Variants in NXPH1 observed in about 807,000 individuals in gnomAD.
NXPH1 encodes neurexophilin-1.
A neutral mutation model predicts 23.7 loss-of-function variants in NXPH1; 5 were observed. The ratio of observed to expected loss-of-function variants is 0.21; its 90% confidence interval spans 0.11 to 0.44. NXPH1 has a LOEUF of 0.44. Among genes scored for constraint, NXPH1 ranks in the 20% least tolerant of loss-of-function variants. NXPH1 has a pLI of 0.99. For missense variants in NXPH1, 324 were observed against 321.6 expected (o/e 1.01, Z -0.06); for synonymous variants, 144 against 122.2 (o/e 1.18, Z -1.18).
chr7:8,461,986 T>A (rs1816704453), intron 2 of NXPH1, among the ~76,000 whole-genome samples: 1 of 152,164 alleles, frequency 6.6e-6, no homozygotes, highest in African/African-American at 2.4e-5. Context: ...GATGTTCTTT[T>A]CTTAAAAACA....
intron 2 of NXPH1, among the ~76,000 whole-genome samples, chr7:8,462,372 A>G (rs1323099633): frequency 6.6e-6 from 1 of 152,216 alleles, no homozygotes; most frequent in Non-Finnish European, 1.5e-5. Context: ...TAAATATTTT[A>G]TGTATTTAAA....
chr7:8,608,187 C>T (rs193106786), intron 2 of NXPH1, among the ~76,000 whole-genome samples: 9 of 152,274 alleles, frequency 5.9e-5, no homozygotes, highest in Non-Finnish European at 1.3e-4. Context: ...GAAACTAATA[C>T]AAATTTCTTA....
At chr7:8,478,899 T>G (rs546585966) in intron 2 of NXPH1, among the ~76,000 whole-genome samples, 6 of 152,202 alleles carry the variant, frequency 3.9e-5, no homozygotes, top group Admixed American at 1.3e-4. Context: ...CTAGAAAAAC[T>G]GACTTACAAG....
At chr7:8,475,717 A>G (rs1455951228) in intron 2 of NXPH1, among the ~76,000 whole-genome samples, 4 of 152,098 alleles carry the variant, frequency 2.6e-5, no homozygotes, top group Non-Finnish European at 5.9e-5. Context: ...AATTTTTAAA[A>G]TCCTTTTACC....
intron 2 of NXPH1, among the ~76,000 whole-genome samples, chr7:8,615,663 T>C (rs1819718349): frequency 6.6e-6 from 1 of 152,108 alleles, no homozygotes; most frequent in African/African-American, 2.4e-5. Flanking sequence ...TCTTTCCCTT[T>C]CCTTGCATTT....
At chr7:8,661,811 A>G (rs188786263) in intron 2 of NXPH1, among the ~76,000 whole-genome samples, 108 of 152,226 alleles carry the variant, frequency 7.1e-4, no homozygotes, top group African/African-American at 2.6e-3. Context: ...GTCTTCTGTT[A>G]TATAAAAATT....
At chr7:8,628,385 T>C (rs985208) in intron 2 of NXPH1, among the ~76,000 whole-genome samples, 40,941 of 147,842 alleles carry the variant, frequency 0.28, 6,161 homozygotes, top group African/African-American at 0.37. Flanking sequence ...TTTTTTTTTT[T>C]AGATAATGTA....
At chr7:8,733,213 C>CT (rs1298028395) in intron 2 of NXPH1, among the ~76,000 whole-genome samples, 1 of 152,102 alleles carries the variant, frequency 6.6e-6, no homozygotes, top group African/African-American at 2.4e-5. Context: ...TGAACTCATC[C>CT]TTTTTTATAG....
chr7:8,647,803 G>T (rs1159645814), intron 2 of NXPH1, among the ~76,000 whole-genome samples: 3 of 148,736 alleles, frequency 2.0e-5, no homozygotes, highest in Admixed American at 6.7e-5. Context: ...ACTAAGTTTG[G>T]TTAATTTTTT....
intron 2 of NXPH1, among the ~76,000 whole-genome samples, chr7:8,514,497 G>A (rs1318396917): frequency 6.6e-6 from 1 of 152,068 alleles, no homozygotes; most frequent in East Asian, 1.9e-4. Flanking sequence ...CAATGCATTG[G>A]AAAATGGTTA....
rs117027406 is a variant in NXPH1, at chr7:8,447,457, G to A, written c.54+11690G>A. Among the ~76,000 whole-genome samples, 139 of 152,302 alleles carry A rather than the reference G, an allele frequency of 9.1e-4. 3 individuals are homozygous for A. In the East Asian group the frequency reaches 0.024, roughly 26 times the overall value. ...TTGCAGAACATGGCAGAGTTTTTGCGTCTTTCACAAGAAATATATAATTGA... is the reference window on the plus strand; with the variant it reads ...TTGCAGAACATGGCAGAGTTTTTGCATCTTTCACAAGAAATATATAATTGA... On this transcript the variant is annotated intron_variant, in intron 2 of 2. Coordinates refer to ENST00000405863, the MANE Select transcript of NXPH1 (RefSeq NM_152745.3).
intron 2 of NXPH1, among the ~76,000 whole-genome samples, chr7:8,590,972 C>T (rs983354874): frequency 1.3e-5 from 2 of 152,070 alleles, no homozygotes; most frequent in African/African-American, 4.8e-5. Context: ...GGTGTTGCTT[C>T]TGTGTACACA....
At chr7:8,488,410 A>C (rs1340030987) in intron 2 of NXPH1, among the ~76,000 whole-genome samples, 1 of 152,158 alleles carries the variant, frequency 6.6e-6, no homozygotes, top group East Asian at 1.9e-4. Context: ...ACATTTGACC[A>C]TTTAATAACT....
chr7:8,585,431 G>T (rs1210028619), intron 2 of NXPH1, among the ~76,000 whole-genome samples: 1 of 152,102 alleles, frequency 6.6e-6, no homozygotes, highest in African/African-American at 2.4e-5. Context: ...TTAGAGAGTA[G>T]CTCAATTCTT....
chr7:8,460,467 C>A (rs1260431196), intron 2 of NXPH1, among the ~76,000 whole-genome samples: 2 of 152,162 alleles, frequency 1.3e-5, no homozygotes, highest in Non-Finnish European at 2.9e-5. Flanking sequence ...GCCTTGATAG[C>A]AAACTTGACT....
At chr7:8,504,976 A>G (rs570720713) in intron 2 of NXPH1, among the ~76,000 whole-genome samples, 34 of 152,172 alleles carry the variant, frequency 2.2e-4, no homozygotes, top group African/African-American at 7.2e-4. Context: ...TAGCAGCCCA[A>G]ACTTACTAAG....
At chr7:8,651,895 C>T (rs560379500) in intron 2 of NXPH1, among the ~76,000 whole-genome samples, 44 of 152,166 alleles carry the variant, frequency 2.9e-4, no homozygotes, top group South Asian at 8.3e-4. Context: ...TATTAATTTT[C>T]GAGAACAAGT....
chr7:8,722,488 A>G (rs1309824078), intron 2 of NXPH1, among the ~76,000 whole-genome samples: 1 of 152,186 alleles, frequency 6.6e-6, no homozygotes, highest in Non-Finnish European at 1.5e-5. Flanking sequence ...TCTGTGCACA[A>G]GTTTGTGTCC....
chr7:8,523,811 C>T (rs894322224), intron 2 of NXPH1, among the ~76,000 whole-genome samples: 1 of 152,178 alleles, frequency 6.6e-6, no homozygotes, highest in African/African-American at 2.4e-5. Flanking sequence ...CCTCACCCTT[C>T]ATACATTCTA....
Sources: allele counts gnomAD v4.1 joint callset (sites outside exome capture counted in the v4.1 genomes callset), GRCh38; gene constraint gnomAD v4.1.1; transcripts MANE v1.5; gene names NCBI Gene and HGNC (gene_info 2026-07-23, HGNC 2026-07-21).